Variants in FAM53A observed in about 807,000 individuals in gnomAD.
FAM53A encodes protein FAM53A.
In FAM53A, 28 loss-of-function variants were observed where a neutral mutation model predicts 26.6. The observed-to-expected ratio is 1.05, with a 90% CI of 0.78 to 1.45. The LOEUF is 1.45. Among genes scored for constraint, FAM53A ranks in the 40% most tolerant of loss-of-function variants. FAM53A has a pLI of 0.00. For synonymous variants in FAM53A, 290 were observed against 253.1 expected (o/e 1.15, Z -1.38); for missense variants, 650 against 575.8 (o/e 1.13, Z -1.32).
At chr4:1,609,958 CAATA>C in the FAM53A span, among the ~76,000 whole-genome samples, 3 of 151,926 alleles carry the variant, frequency 2.0e-5, no homozygotes, top group Non-Finnish European at 4.4e-5. Flanking sequence ...GACTTTGTCT[CAATA>C]AATAAATAAA....
intron 4 of FAM53A, among the ~76,000 whole-genome samples, chr4:1,649,628 G>C (rs1712570635): frequency 6.6e-6 from 1 of 152,244 alleles, no homozygotes; most frequent in South Asian, 2.1e-4. Context: ...ACACACTCAG[G>C]CTGCCCCTCA....
chr4:1,636,144 G>C (rs571944094), downstream of FAM53A, among the ~76,000 whole-genome samples: 1 of 152,180 alleles, frequency 6.6e-6, no homozygotes, highest in African/African-American at 2.4e-5. Flanking sequence ...GCCACGCCCG[G>C]CCATGATACT....
At chr4:1,585,933 C>T in the FAM53A span, among the ~76,000 whole-genome samples, 3 of 152,130 alleles carry the variant, frequency 2.0e-5, no homozygotes, top group Middle Eastern at 3.2e-3. Context: ...GACAGGGTTT[C>T]ACCATGTTGC....
rs988000360 is a variant in FAM53A at position 1,652,354 on chromosome 4, C to T, written c.882+2624G>A. On this transcript the variant is annotated intron_variant, in intron 4 of 4. Coordinates refer to ENST00000308132, the MANE Select transcript of FAM53A (RefSeq NM_001174070.3). ...ACACACACGCTATACACACACCACACGTCACACGCACAACACACACAACAC... is the reference window on the plus strand; with the variant it reads ...ACACACACGCTATACACACACCACATGTCACACGCACAACACACACAACAC... Among the ~76,000 whole-genome samples the T allele has an allele frequency of 4.1e-5, 6 of 144,814 alleles. No homozygotes were observed. The East Asian group carries it at 6.4e-4, about 15-fold the overall frequency.
At position 1,672,481 on chromosome 4, in the gene FAM53A, G is replaced by A. The variant is rs78339276; in HGVS notation, c.-164-3576C>T. ...TGGTGGGGAGCCACTAGTGAGTGCA[G>A]AGAGAATGAGGGAAATGCTTTAAAA... is the stretch of plus-strand genomic sequence containing the variant. On this transcript the variant is annotated intron_variant, in intron 1 of 4. Transcript: ENST00000308132. 7.1e-4 allele frequency among the ~76,000 whole-genome samples: 108 copies of A among 152,338 alleles called. No homozygotes were observed. In the East Asian group the frequency reaches 0.02, roughly 28 times the overall value.
chr4:1,660,995 C>T (rs1713792416), intron 2 of FAM53A, among the ~76,000 whole-genome samples: 1 of 152,110 alleles, frequency 6.6e-6, no homozygotes, highest in Non-Finnish European at 1.5e-5. Flanking sequence ...CCCACCCATA[C>T]CGTGCCCGCC....
chr4:1,608,712 C>T, the FAM53A span, among the ~76,000 whole-genome samples: 1 of 152,188 alleles, frequency 6.6e-6, no homozygotes, highest in Admixed American at 6.5e-5. Context: ...CTGGCCTCAG[C>T]CCCGTCCATC....
intron 1 of FAM53A, among the ~76,000 whole-genome samples, chr4:1,681,478 C>T (rs940066091): frequency 3.3e-5 from 5 of 151,214 alleles, no homozygotes; most frequent in African/African-American, 7.3e-5. Flanking sequence ...AAACCACATT[C>T]GAAGTGTTCC....
At chr4:1,588,253 GTTTTCCCT>G in the FAM53A span, among the ~76,000 whole-genome samples, 1 of 152,176 alleles carries the variant, frequency 6.6e-6, no homozygotes, top group Non-Finnish European at 1.5e-5. Context: ...TGCAGTTTCT[GTTTTCCCT>G]CAGAACACTA....
At chr4:1,676,032 G>A (rs1553813033) in intron 1 of FAM53A, among the ~76,000 whole-genome samples, 1 of 152,240 alleles carries the variant, frequency 6.6e-6, no homozygotes, top group Non-Finnish European at 1.5e-5. Context: ...AGGCACCAAA[G>A]CAGGTTCGAT....
In FAM53A at chr4:1,655,147, C is replaced by A; in HGVS notation, c.713G>T (p.Trp238Leu). The change falls in exon 4 of 5, where the codon TGG becomes TTG. Residue 238 changes from tryptophan to leucine, a missense_variant. Transcript: ENST00000308132. ...RLAGAGTPLPWASSSPTSTPA... is the reference protein window; with the variant it reads ...RLAGAGTPLPLASSSPTSTPA... Reference sequence around the variant, plus strand: ...CGTGGACGTGGGGCTGCTGCTGGCCCAGGGCAGGGGAGTGCCCGCACCCGC... The same window carrying A: ...CGTGGACGTGGGGCTGCTGCTGGCCAAGGGCAGGGGAGTGCCCGCACCCGC... 6.3e-7 allele frequency: 1 copy of A among 1,585,464 alleles called. No individual in the cohort carries two copies. The highest frequency in any genetic ancestry group is 1.4e-5 in the African/African-American group (1 of 73,860).
At chr4:1,623,208 G>A (rs1038971767) in intron 1 of FAM53A, among the ~76,000 whole-genome samples, 11 of 152,208 alleles carry the variant, frequency 7.2e-5, no homozygotes, top group South Asian at 2.1e-4. Flanking sequence ...GGACATCAGC[G>A]GTAGAGGAGA....
Position 1,655,454 on chromosome 4 carries a change from G to A in FAM53A, c.406C>T (p.Pro136Ser), listed in dbSNP as rs776103166. 6 of 1,544,994 alleles carry A rather than the reference G, an allele frequency of 3.9e-6. No individual in the cohort carries two copies. Among genetic ancestry groups the A allele is most frequent in the Non-Finnish European group, 5.2e-6 (6 of 1,144,424 alleles). Reference sequence around the variant, plus strand: ...ACCTTGGAGCTGCCGGGGCGCCAGGGGGACCGGCAGCGCACAAGCTCCTCG... The same window carrying A: ...ACCTTGGAGCTGCCGGGGCGCCAGGAGGACCGGCAGCGCACAAGCTCCTCG... Reference protein sequence around the residue: ...EPEELVRCRSPWRPGSSKVWT... With the variant: ...EPEELVRCRSSWRPGSSKVWT... Residue 136 changes from proline (P) to serine (S), a missense_variant, in exon 4 of 5, where the codon CCC becomes TCC. Physicochemically the swap from Pro to Ser is moderately conservative, Grantham distance 74. Coordinates refer to ENST00000308132, the MANE Select transcript of FAM53A (RefSeq NM_001174070.3).
At chr4:1,596,408 A>ACCCCC in the FAM53A span, among the ~76,000 whole-genome samples, 1 of 139,332 alleles carries the variant, frequency 7.2e-6, no homozygotes, top group Non-Finnish European at 1.5e-5. Context: ...GCCCCCACCC[A>ACCCCC]CCTTCCCCAA....
At position 1,655,553 on chromosome 4, in the gene FAM53A, C is replaced by T. The variant is rs987436391; in HGVS notation, c.307G>A (p.Val103Met). 24 of 1,568,792 alleles carry T rather than the reference C, an allele frequency of 1.5e-5. No homozygotes were observed. The highest frequency in any genetic ancestry group is 1.9e-5 in the Non-Finnish European group (22 of 1,157,120). ...GAGCCTGTGCTTTCACTGGGGTCCA[C>T]GGTGCTGGCTGCACCCAGGCCTGCG... The part of the protein sequence containing the change: ...PGAGLGAAST[V>M]DPSESTGSST... Residue 103 changes from valine to methionine, a missense_variant, in exon 4 of 5, where the codon GTG (valine) becomes ATG (methionine). By Grantham distance (21) the Val-to-Met change is conservative (BLOSUM62 1). Transcript: ENST00000308132.
intron 4 of FAM53A, among the ~76,000 whole-genome samples, chr4:1,643,297 T>C (rs1711915877): frequency 6.6e-6 from 1 of 151,906 alleles, no homozygotes; most frequent in African/African-American, 2.4e-5. Flanking sequence ...AAGCCCCGTC[T>C]CTACTAAAAA....
intron 2 of FAM53A, among the ~76,000 whole-genome samples, chr4:1,663,737 A>G (rs1382900471): frequency 2.0e-5 from 3 of 152,008 alleles, no homozygotes; most frequent in Admixed American, 6.6e-5. Flanking sequence ...GGGAGGCCGC[A>G]TAAGGAGGGT....
chr4:1,588,816 T>C, the FAM53A span, among the ~76,000 whole-genome samples: 1 of 152,244 alleles, frequency 6.6e-6, no homozygotes, highest in Non-Finnish European at 1.5e-5. Flanking sequence ...TTATTATGCA[T>C]AAATGGACAA....
At chr4:1,598,757 G>T in the FAM53A span, among the ~76,000 whole-genome samples, 1 of 152,248 alleles carries the variant, frequency 6.6e-6, no homozygotes. Context: ...AATTTCCGAA[G>T]ATTTTGATAA....
Sources: allele counts gnomAD v4.1 joint callset (sites outside exome capture counted in the v4.1 genomes callset), GRCh38; gene constraint gnomAD v4.1.1; transcripts MANE v1.5; gene names NCBI Gene and HGNC (gene_info 2026-07-23, HGNC 2026-07-21).